Variants in DCC observed in about 807,000 individuals in gnomAD.
DCC encodes DCC netrin 1 receptor.
A neutral mutation model predicts 172.5 loss-of-function variants in DCC; 58 were observed. That is an observed-to-expected ratio of 0.34 (90% CI 0.27 to 0.42). The LOEUF is 0.42. Among genes scored for constraint, DCC ranks in the 10% least tolerant of loss-of-function variants. The pLI, the probability that DCC is intolerant of heterozygous loss-of-function variation, is 1.00. For missense variants in DCC, 1,740 were observed against 1,791.0 expected, an observed-to-expected ratio of 0.97 and a Z score of 0.51; for synonymous variants, 709 against 644.5, an observed-to-expected ratio of 1.10 and a Z score of -1.52.
At chr18:52,981,661 G>T (rs901707329) in intron 5 of DCC, among the ~76,000 whole-genome samples, 2 of 152,018 alleles carry the variant, frequency 1.3e-5, no homozygotes, top group East Asian at 1.9e-4. Flanking sequence ...AATGTTCTAC[G>T]CAATCAATAA....
chr18:52,882,333 G>A (rs1006487266), intron 2 of DCC, among the ~76,000 whole-genome samples: 1 of 151,622 alleles, frequency 6.6e-6, no homozygotes, highest in Non-Finnish European at 1.5e-5. Context: ...AAACAATTTT[G>A]GTTTGGACTT....
intron 21 of DCC, among the ~76,000 whole-genome samples, chr18:53,418,637 A>C (rs1005229731): frequency 1.3e-5 from 2 of 152,158 alleles, no homozygotes; most frequent in Admixed American, 6.5e-5. Context: ...CAAGAGGTTG[A>C]ATTTGACTTA....
intron 1 of DCC, among the ~76,000 whole-genome samples, chr18:52,372,634 G>T (rs1446435495): frequency 6.6e-6 from 1 of 152,168 alleles, no homozygotes; most frequent in Non-Finnish European, 1.5e-5. Flanking sequence ...ACGTGAGTGT[G>T]AAACCATGCA....
intron 5 of DCC, among the ~76,000 whole-genome samples, chr18:52,953,867 A>T (rs889120042): frequency 6.6e-6 from 1 of 152,196 alleles, no homozygotes; most frequent in Non-Finnish European, 1.5e-5. Context: ...TTGTGCTGTT[A>T]TCTTATCTCC....
At chr18:52,993,862 T>A (rs1010969807) in intron 5 of DCC, among the ~76,000 whole-genome samples, 1 of 152,028 alleles carries the variant, frequency 6.6e-6, no homozygotes, top group Non-Finnish European at 1.5e-5. Flanking sequence ...CTCTCCACTC[T>A]CTCTCTCTCT....
At chr18:52,630,465 C>T (rs1326480588) in intron 1 of DCC, among the ~76,000 whole-genome samples, 3 of 152,114 alleles carry the variant, frequency 2.0e-5, no homozygotes, top group Non-Finnish European at 4.4e-5. Context: ...GTAGGAATAA[C>T]AATAGTATTG....
chr18:53,461,338 A>C (rs532804889), intron 24 of DCC, among the ~76,000 whole-genome samples: 3,580 of 149,794 alleles, frequency 0.024, 161 homozygotes, highest in African/African-American at 0.085. Context: ...TTGGTGTTTT[A>C]GACCTGAAGT....
intron 1 of DCC, among the ~76,000 whole-genome samples, chr18:52,406,033 C>G (rs956346944): frequency 2.1e-5 from 3 of 146,318 alleles, no homozygotes; most frequent in Non-Finnish European, 4.6e-5. Flanking sequence ...CTACAACTAT[C>G]TGATCTTTGA....
At chr18:52,929,998 C>A (rs2040282456) in intron 5 of DCC, among the ~76,000 whole-genome samples, 1 of 151,386 alleles carries the variant, frequency 6.6e-6, no homozygotes, top group Non-Finnish European at 1.5e-5. Flanking sequence ...ATTTTTTTTT[C>A]TTTTTGAGAC....
At chr18:52,488,712 C>G (rs1342587427) in intron 1 of DCC, among the ~76,000 whole-genome samples, 1 of 152,076 alleles carries the variant, frequency 6.6e-6, no homozygotes, top group Admixed American at 6.6e-5. Context: ...TGCAACGTTT[C>G]AAGCTACATT....
At chr18:52,643,684 C>T (rs2034955676) in intron 1 of DCC, among the ~76,000 whole-genome samples, 1 of 152,138 alleles carries the variant, frequency 6.6e-6, no homozygotes, top group South Asian at 2.1e-4. Context: ...ACTATTTTCT[C>T]CTTGTGAAGT....
chr18:53,312,153 CAAAAA>C (rs895203731), intron 13 of DCC, among the ~76,000 whole-genome samples: 2 of 26,734 alleles, frequency 7.5e-5, no homozygotes, highest in Non-Finnish European at 1.3e-4. Context: ...GCTAAAAATA[CAAAAA>C]AAAAAAAAAA....
At chr18:53,418,520 T>C (rs548465616) in intron 21 of DCC, among the ~76,000 whole-genome samples, 2 of 152,266 alleles carry the variant, frequency 1.3e-5, no homozygotes, top group Non-Finnish European at 2.9e-5. Flanking sequence ...CACTATTACA[T>C]TTATGACAGG....
chr18:53,232,484 A>G (rs1427615352), intron 12 of DCC, among the ~76,000 whole-genome samples: 1 of 152,160 alleles, frequency 6.6e-6, no homozygotes, highest in African/African-American at 2.4e-5. Context: ...GATGCTGACA[A>G]ACTGCATGTC....
intron 9 of DCC, among the ~76,000 whole-genome samples, chr18:53,186,880 C>T (rs1257334179): frequency 6.6e-6 from 1 of 152,068 alleles, no homozygotes; most frequent in African/African-American, 2.4e-5. Flanking sequence ...CTGCATCTTC[C>T]AGAGGGTATG....
intron 1 of DCC, among the ~76,000 whole-genome samples, chr18:52,720,348 AAT>A (rs2036454132): frequency 6.6e-6 from 1 of 152,178 alleles, no homozygotes; most frequent in Non-Finnish European, 1.5e-5. Flanking sequence ...TTTGTTGTTA[AAT>A]TTTTGAAATT....
chr18:52,511,548 G>C (rs1373755657), intron 1 of DCC, among the ~76,000 whole-genome samples: 1 of 152,144 alleles, frequency 6.6e-6, no homozygotes, highest in Non-Finnish European at 1.5e-5. Context: ...TTTTGAATGA[G>C]GACCTGGGGG....
chr18:52,649,686 A>G (rs1169279746), intron 1 of DCC, among the ~76,000 whole-genome samples: 3 of 152,152 alleles, frequency 2.0e-5, no homozygotes, highest in African/African-American at 4.8e-5. Context: ...AGTTGTTTCA[A>G]TTACAATAAT....
intron 1 of DCC, among the ~76,000 whole-genome samples, chr18:52,415,881 A>T (rs576059116): frequency 6.6e-6 from 1 of 151,552 alleles, no homozygotes; most frequent in Non-Finnish European, 1.5e-5. Context: ...CTTCAGTTCT[A>T]CTCTGATTTT....
Sources: gnomAD v4.1 joint callset for allele counts (sites outside exome capture counted in the v4.1 genomes callset) on GRCh38, gnomAD v4.1.1 for gene constraint, MANE v1.5 for transcripts, NCBI Gene and HGNC (gene_info 2026-07-23, HGNC 2026-07-21) for gene names.